STK32A: variants seen among roughly 807,000 people sequenced by gnomAD.
STK32A encodes serine/threonine-protein kinase 32A.
In STK32A, 41 loss-of-function variants were observed where a neutral mutation model predicts 53.2. The observed-to-expected ratio is 0.77, with a 90% CI of 0.60 to 1.00. The LOEUF (loss-of-function observed/expected upper bound fraction) is 1.00. Among genes scored for constraint, STK32A ranks in the 50% least tolerant of loss-of-function variants. The probability of loss-of-function intolerance (pLI) is 0.00; values close to 1 mark genes in which losing one functional copy is unlikely to be tolerated. For missense variants in STK32A, 458 were observed against 485.8 expected, an observed-to-expected ratio of 0.94 and a Z score of 0.54; for synonymous variants, 166 against 162.8, an observed-to-expected ratio of 1.02 and a Z score of -0.15.
chr5:147,271,582 C>T (rs994846198), intron 2 of STK32A, among the ~76,000 whole-genome samples: 22 of 152,266 alleles, frequency 1.4e-4, no homozygotes, highest in African/African-American at 4.6e-4. Context: ...GGAGAAATAT[C>T]GCTGAATTCT....
chr5:147,373,652 G>A (rs925821652), intron 10 of STK32A, among the ~76,000 whole-genome samples: 1 of 152,144 alleles, frequency 6.6e-6, no homozygotes, highest in Non-Finnish European at 1.5e-5. Flanking sequence ...AGATGCAGAA[G>A]TTTGTGTCCC....
At chr5:147,256,677 A>G (rs1290600770) in intron 2 of STK32A, among the ~76,000 whole-genome samples, 1 of 151,796 alleles carries the variant, frequency 6.6e-6, no homozygotes, top group East Asian at 1.9e-4. Context: ...ATGCCTGGCT[A>G]AGTTTGTATT....
At chr5:147,266,579 C>T (rs1754821318) in intron 2 of STK32A, among the ~76,000 whole-genome samples, 3 of 152,096 alleles carry the variant, frequency 2.0e-5, no homozygotes, top group African/African-American at 7.2e-5. Context: ...GTTAATTATG[C>T]ACCTACTATG....
intron 1 of STK32A, among the ~76,000 whole-genome samples, chr5:147,238,999 A>G (rs999720735): frequency 6.6e-6 from 1 of 152,166 alleles, no homozygotes. Context: ...TCAACTCTCC[A>G]TTGAGGAAAG....
At chr5:147,340,568 A>T (rs72831391) in intron 5 of STK32A, among the ~76,000 whole-genome samples, 4,585 of 152,294 alleles carry the variant, frequency 0.03, 86 homozygotes, top group Middle Eastern at 0.082. Context: ...CTCTCCTGGT[A>T]TGTGAATAAA....
the STK32A span, chr5:147,398,968 T>C: frequency 6.4e-6 from 9 of 1,397,514 alleles, no homozygotes; most frequent in Middle Eastern, 2.6e-4. Flanking sequence ...TGGATTATTA[T>C]TGCAACCCGT....
chr5:147,356,237 A>C (rs1014696729), intron 7 of STK32A, among the ~76,000 whole-genome samples: 1 of 152,208 alleles, frequency 6.6e-6, no homozygotes, highest in African/African-American at 2.4e-5. Flanking sequence ...TGATGTGACA[A>C]TGATGAAGGT....
In STK32A at chr5:147,384,078, A is replaced by G; in HGVS notation, c.*95A>G. 6.6e-7 allele frequency: 1 copy of G among 1,511,190 alleles called. No individual in the cohort carries two copies. Among genetic ancestry groups the G allele is most frequent in the East Asian group, 2.5e-5 (1 of 40,040 alleles). The allele number at this position is 1,511,190 out of a possible 1,614,324, so 93.6% of individuals were successfully genotyped here. On this transcript the variant is annotated 3_prime_UTR_variant, in exon 13 of 13. Transcript: ENST00000397936. The stretch of plus-strand genomic sequence containing the variant: ...GACAGTAGTTCTTGCCACTCCACAC[A>G]CCATGACTTAGAAAATGTGAATGAA...
At chr5:147,296,388 C>T (rs1291840085) in intron 4 of STK32A, among the ~76,000 whole-genome samples, 1 of 151,890 alleles carries the variant, frequency 6.6e-6, no homozygotes. Context: ...GCAGGCTTCT[C>T]GGGGGTTGTT....
intron 7 of STK32A, among the ~76,000 whole-genome samples, chr5:147,353,804 T>C (rs1756097442): frequency 6.6e-6 from 1 of 152,090 alleles, no homozygotes; most frequent in Non-Finnish European, 1.5e-5. Context: ...CTACTCATGC[T>C]TTACCCTAAT....
intron 2 of STK32A, among the ~76,000 whole-genome samples, chr5:147,256,068 T>G (rs1401821265): frequency 6.6e-6 from 1 of 152,084 alleles, no homozygotes; most frequent in African/African-American, 2.4e-5. Context: ...TTTGGCAGAG[T>G]GTCCAGTAAA....
intron 5 of STK32A, among the ~76,000 whole-genome samples, chr5:147,327,046 G>T (rs901020598): frequency 1.3e-5 from 2 of 152,132 alleles, no homozygotes; most frequent in African/African-American, 4.8e-5. Context: ...TTCTGACAGT[G>T]TTCTGATAAC....
At chr5:147,348,797 G>A (rs1755815640) in intron 6 of STK32A, 2 of 727,628 alleles carry the variant, frequency 2.7e-6, no homozygotes, top group Non-Finnish European at 2.6e-6. Context: ...GATAATGACG[G>A]ATATCAACAA....
Position 147,343,036 on chromosome 5 carries a change from C to G in STK32A, c.465C>G (p.Asp155Glu), listed in dbSNP as rs182121665. 3 of 1,613,234 alleles carry G rather than the reference C, an allele frequency of 1.9e-6. No individual in the cohort carries two copies. The highest frequency in any genetic ancestry group is 2.5e-6 in the Non-Finnish European group (3 of 1,179,654). ...RDMKPDNILL[D>E]EHGHVHITDF... ...TGAAGCCTGACAATATTTTACTTGA[C>G]GAACATGGTAAGTGAGTGATTTGTT... Residue 155 changes from aspartate (D) to glutamate (E), a missense_variant, in exon 6 of 13, where the codon GAC (aspartate) becomes GAG (glutamate). Coordinates refer to ENST00000397936, the MANE Select transcript of STK32A (RefSeq NM_001112724.2).
chr5:147,254,069 G>C (rs1246538771), intron 2 of STK32A, among the ~76,000 whole-genome samples: 1 of 152,052 alleles, frequency 6.6e-6, no homozygotes, highest in East Asian at 1.9e-4. Flanking sequence ...TCTCAAATCT[G>C]TGTCTGTGTG....
At chr5:147,314,156 G>A (rs1007892460) in intron 4 of STK32A, among the ~76,000 whole-genome samples, 1 of 152,054 alleles carries the variant, frequency 6.6e-6, no homozygotes, top group Admixed American at 6.5e-5. Flanking sequence ...CAGAGAATGG[G>A]GAGAAAATAT....
Position 147,383,938 on chromosome 5 carries a change from A to T in STK32A, c.1146A>T (p.Gln382His), listed in dbSNP as rs1227410526. 4.3e-6 allele frequency: 7 copies of T among 1,609,942 alleles called. No individual in the cohort carries two copies. In the African/African-American group the frequency reaches 9.4e-5, roughly 22 times the overall value. ...NKRQPNLALEQTKDPQGEDGQ... is the reference protein window; with the variant it reads ...NKRQPNLALEHTKDPQGEDGQ... ...GACAACCAAATCTAGCCTTGGAACA[A>T]ACCAAAGACCCACAAGGTGAGGATG... The change falls in exon 13 of 13, where the codon CAA (glutamine) becomes CAT (histidine). Residue 382 changes from glutamine (Q) to histidine (H), a missense_variant. Gln to His is a conservative substitution (Grantham distance 24, BLOSUM62 0). Coordinates refer to ENST00000397936, the MANE Select transcript of STK32A (RefSeq NM_001112724.2).
intron 2 of STK32A, among the ~76,000 whole-genome samples, chr5:147,263,825 G>T (rs1754690166): frequency 6.6e-6 from 1 of 152,072 alleles, no homozygotes. Context: ...AAAGAGTCCA[G>T]AATTGAAGAA....
In STK32A at chr5:147,279,474, T is replaced by C. The variant is rs1024512530; in HGVS notation, c.260+76T>C. 39 of 1,351,688 alleles carry C rather than the reference T, an allele frequency of 2.9e-5. No homozygotes were observed. In the Admixed American group the frequency reaches 8.6e-4, roughly 30 times the overall value. The allele number at this position is 1,351,688 out of a possible 1,614,324, so 83.7% of individuals were successfully genotyped here. A position where few individuals can be genotyped will look rare whatever the true frequency, so the allele number is the denominator to read the frequency against. On this transcript the variant is annotated intron_variant, in intron 4 of 12. Coordinates refer to ENST00000397936, the MANE Select transcript of STK32A (RefSeq NM_001112724.2). ...GCTAGGGGAGGTCCCCAAATGCCTC[T>C]GGGACCTCAGCCCTGGCTGGTATCC...
Sources: allele counts gnomAD v4.1 joint callset (sites outside exome capture counted in the v4.1 genomes callset), GRCh38; gene constraint gnomAD v4.1.1; transcripts MANE v1.5; gene names NCBI Gene and HGNC (gene_info 2026-07-23, HGNC 2026-07-21).